Variants in JPH1 observed in about 807,000 individuals in gnomAD.
The protein encoded by JPH1 is junctophilin 1.
JPH1 carries 12 observed loss-of-function variants against 53.6 expected under a neutral mutation model. That is an observed-to-expected ratio of 0.22 (90% CI 0.14 to 0.36). The LOEUF (loss-of-function observed/expected upper bound fraction) is 0.36. Ranked by LOEUF, JPH1 falls within the 10% of genes least tolerant of loss-of-function variation. The pLI is 1.00. For synonymous variants in JPH1, 375 were observed against 363.8 expected (o/e 1.03, Z -0.35); for missense variants, 808 against 905.5 (o/e 0.89, Z 1.38).
At chr8:74,251,875 G>A (rs934446382) in intron 3 of JPH1, among the ~76,000 whole-genome samples, 1 of 152,084 alleles carries the variant, frequency 6.6e-6, no homozygotes, top group Non-Finnish European at 1.5e-5. Flanking sequence ...TCAATCCTAA[G>A]CCAAAAGAAC....
intron 2 of JPH1, among the ~76,000 whole-genome samples, chr8:74,311,457 T>C (rs1456198116): frequency 2.6e-5 from 4 of 152,192 alleles, no homozygotes; most frequent in Non-Finnish European, 5.9e-5. Flanking sequence ...TAGCTAAAAG[T>C]CCTATCTCCC....
chr8:74,245,179 G>C lies in JPH1; in HGVS notation c.1259-4C>G, dbSNP rs776348394. The C allele has an allele frequency of 6.6e-7, 1 of 1,516,628 alleles. No individual in the cohort carries two copies. The highest frequency in any genetic ancestry group is 1.3e-5 in the South Asian group (1 of 75,708). The allele number at this position is 1,516,628 out of a possible 1,614,324, so 93.9% of individuals were successfully genotyped here. On this transcript the variant is annotated splice_polypyrimidine_tract_variant and splice_region_variant and intron_variant, in intron 3 of 5. Transcript: ENST00000342232. ...CTCTGTTTGACGTAATCAGGGCCTG[G>C]CCAAAAAAAAAAGAAAAAAGAAAAA...
intron 2 of JPH1, among the ~76,000 whole-genome samples, chr8:74,310,733 G>A (rs557366065): frequency 6.6e-6 from 1 of 152,128 alleles, no homozygotes; most frequent in South Asian, 2.1e-4. Flanking sequence ...TGTGTCTCCT[G>A]GAGACATTAT....
Position 74,315,594 on chromosome 8 carries a change from C to T in JPH1, c.406G>A (p.Gly136Ser). 1.2e-6 allele frequency: 2 copies of T among 1,602,746 alleles called. No homozygotes were observed. Among genetic ancestry groups the T allele is most frequent in the Non-Finnish European group, 1.7e-6 (2 of 1,177,956 alleles). The change falls in exon 2 of 6, where the codon GGC becomes AGC. Residue 136 changes from glycine (G) to serine (S), a missense_variant. Physicochemically the swap from Gly to Ser is moderately conservative, Grantham distance 56 (BLOSUM62 0). Coordinates refer to ENST00000342232, the MANE Select transcript of JPH1 (RefSeq NM_020647.4). The surrounding 1 kb of genome is among the most constrained non-coding windows in gnomAD (Gnocchi z 6.3). ...GGTYQGQWAGGMRHGYGVRQS... is the reference protein window; with the variant it reads ...GGTYQGQWAGSMRHGYGVRQS... ...CGCACGCCGTAGCCATGCCGCATGCCTCCGGCCCACTGGCCCTGGTAGGTA... is the reference window on the plus strand; with the variant it reads ...CGCACGCCGTAGCCATGCCGCATGCTTCCGGCCCACTGGCCCTGGTAGGTA...
intron 2 of JPH1, among the ~76,000 whole-genome samples, chr8:74,269,953 C>T (rs962299857): frequency 3.3e-5 from 5 of 152,206 alleles, no homozygotes; most frequent in African/African-American, 1.2e-4. Context: ...TCATTTATAT[C>T]TAGAGTTCAT....
chr8:74,281,832 AC>A lies in JPH1; in HGVS notation c.1140-22330del, dbSNP rs139326813. ...CTGCCCTTTTCTTACAATCACTGGT[AC>A]CACCCACTGCCAGCCTCTTCCTTCC... On this transcript the variant is annotated intron_variant, in intron 2 of 5. Coordinates refer to ENST00000342232, the MANE Select transcript of JPH1 (RefSeq NM_020647.4). 5.0e-3 allele frequency among the ~76,000 whole-genome samples: 757 copies of A among 152,242 alleles called. 1 individual carries two copies. The highest frequency in any genetic ancestry group is 8.5e-3 in the Non-Finnish European group (576 of 68,008).
chr8:74,309,059 GAAGAGACTCCCTCCT>G (rs1466278331), intron 2 of JPH1, among the ~76,000 whole-genome samples: 1 of 152,214 alleles, frequency 6.6e-6, no homozygotes, highest in Non-Finnish European at 1.5e-5. Context: ...ACAGGGTGCA[GAAGAGACTCCCTCCT>G]AAGATTACAT....
At chr8:74,303,868 T>C (rs1807754425) in intron 2 of JPH1, among the ~76,000 whole-genome samples, 1 of 152,158 alleles carries the variant, frequency 6.6e-6, no homozygotes, top group South Asian at 2.1e-4. Flanking sequence ...CACCTATCAA[T>C]AGCCTTCCCC....
chr8:74,273,670 T>C (rs754282255), intron 2 of JPH1, among the ~76,000 whole-genome samples: 3 of 152,232 alleles, frequency 2.0e-5, no homozygotes, highest in African/African-American at 2.4e-5. Flanking sequence ...ATGTCTCCTA[T>C]GTCTGGAAAA....
At chr8:74,314,198 C>T (rs1296443361) in intron 2 of JPH1, among the ~76,000 whole-genome samples, 1 of 152,214 alleles carries the variant, frequency 6.6e-6, no homozygotes, top group Non-Finnish European at 1.5e-5. Context: ...GACCTAATCT[C>T]TTCTGCATAG....
At chr8:74,300,825 G>C (rs1227945456) in intron 2 of JPH1, among the ~76,000 whole-genome samples, 14 of 152,114 alleles carry the variant, frequency 9.2e-5, no homozygotes. Flanking sequence ...TGACAATCTG[G>C]TCAAGTTTTC....
intron 4 of JPH1, 91 bp from the exon 5 acceptor site, chr8:74,237,394 A>G (rs1444495089): frequency 9.8e-7 from 1 of 1,021,940 alleles, no homozygotes; most frequent in African/African-American, 1.6e-5. Context: ...TGAGAAAGTT[A>G]ACATGATTGC....
chr8:74,291,694 AC>A (rs1239292370), intron 2 of JPH1, among the ~76,000 whole-genome samples: 2 of 152,246 alleles, frequency 1.3e-5, no homozygotes, highest in Non-Finnish European at 2.9e-5. Context: ...TTACTGTGGT[AC>A]TATTGACAAT....
intron 2 of JPH1, among the ~76,000 whole-genome samples, chr8:74,280,769 T>A (rs77883502): frequency 0.026 from 3,963 of 152,328 alleles, 73 homozygotes; most frequent in Non-Finnish European, 0.038. Flanking sequence ...GACTATAGCA[T>A]GCATGAAAAT....
chr8:74,273,892 C>G (rs963195763), intron 2 of JPH1, among the ~76,000 whole-genome samples: 1 of 152,130 alleles, frequency 6.6e-6, no homozygotes, highest in Admixed American at 6.5e-5. Flanking sequence ...GGTGTCTTAT[C>G]TTCTGTTGTT....
At chr8:74,255,383 C>G (rs1473348899) in intron 3 of JPH1, among the ~76,000 whole-genome samples, 1 of 151,988 alleles carries the variant, frequency 6.6e-6, no homozygotes, top group Non-Finnish European at 1.5e-5. Context: ...ACACCTTATA[C>G]AAAAATTAAT....
At chr8:74,280,373 G>A (rs534984138) in intron 2 of JPH1, among the ~76,000 whole-genome samples, 3 of 152,304 alleles carry the variant, frequency 2.0e-5, no homozygotes, top group Non-Finnish European at 2.9e-5. Context: ...CCATCCTCAT[G>A]GGTAAGAACT....
At chr8:74,306,328 G>A (rs1431222668) in intron 2 of JPH1, among the ~76,000 whole-genome samples, 1 of 152,148 alleles carries the variant, frequency 6.6e-6, no homozygotes, top group African/African-American at 2.4e-5. Context: ...CTCAATGATT[G>A]CTCCTGGGCC....
chr8:74,320,903 G>A lies in JPH1; in HGVS notation c.379+6C>T. The A allele has an allele frequency of 6.6e-7, 1 of 1,524,030 alleles. No homozygotes were observed. The highest frequency in any genetic ancestry group is 2.5e-5 in the East Asian group (1 of 39,836). The allele number at this position is 1,524,030 out of a possible 1,614,324, so 94.4% of individuals were successfully genotyped here. A position where few individuals can be genotyped will look rare whatever the true frequency, so the allele number is the denominator to read the frequency against. ...GAGCAGCCGAGCCGCCCGTTACGCC[G>A]CTCACCTCCGTCCCCGTAGGTCTCC... On this transcript the variant is annotated splice_donor_region_variant and intron_variant, in intron 1 of 5. Coordinates refer to ENST00000342232, the MANE Select transcript of JPH1 (RefSeq NM_020647.4). The surrounding 1 kb of genome is among the most constrained non-coding windows in gnomAD (Gnocchi z 4.4).
Sources: gnomAD v4.1 joint callset for allele counts (sites outside exome capture counted in the v4.1 genomes callset) on GRCh38, gnomAD v4.1.1 for gene constraint, Gnocchi (gnomAD v3.1) non-coding constraint, MANE v1.5 for transcripts, NCBI Gene and HGNC (gene_info 2026-07-23, HGNC 2026-07-21) for gene names.